Variants in TLE4 observed in about 807,000 individuals in gnomAD.
The protein encoded by TLE4 is TLE family member 4, transcriptional corepressor, also known as transducin-like enhancer protein 4.
Under a neutral mutation model 92.8 loss-of-function variants are expected in TLE4, and 8 were observed. The ratio of observed to expected loss-of-function variants is 0.09; its 90% CI spans 0.05 to 0.16. The LOEUF (loss-of-function observed/expected upper bound fraction) is 0.16, where lower values mean the gene tolerates loss of function less well. Among genes scored for constraint, TLE4 ranks in the 10% least tolerant of loss-of-function variants. The pLI, the probability that TLE4 is intolerant of heterozygous loss-of-function variation, is 1.00. For synonymous variants in TLE4, 371 were observed against 374.1 expected (o/e 0.99, Z 0.10); for missense variants, 675 against 997.6 (o/e 0.68, Z 4.36).
chr9:79,638,560 T>C (rs890772018), intron 6 of TLE4, among the ~76,000 whole-genome samples: 3 of 152,076 alleles, frequency 2.0e-5, no homozygotes, highest in Non-Finnish European at 4.4e-5. Flanking sequence ...TTTTTTTTCT[T>C]GGTAGATTCA....
At chr9:79,642,318 T>C (rs1018981151) in intron 6 of TLE4, among the ~76,000 whole-genome samples, 7 of 152,168 alleles carry the variant, frequency 4.6e-5, no homozygotes, top group Admixed American at 2.0e-4. Flanking sequence ...TTCATAGGTA[T>C]AATCATAGGG....
At chr9:79,615,642 TAAAAA>T (rs11294346) in intron 5 of TLE4, among the ~76,000 whole-genome samples, 1 of 152,040 alleles carries the variant, frequency 6.6e-6, no homozygotes, top group Non-Finnish European at 1.5e-5. Context: ...TTTTTAAACT[TAAAAA>T]AACTATATAG....
rs190533436 is a variant in TLE4 at position 79,708,386 on chromosome 9, C to T, written c.1069+136C>T. 4,871 of 1,210,844 alleles carry T rather than the reference C, an allele frequency of 4.0e-3. 19 individuals carry two copies. Among genetic ancestry groups the T allele is most frequent in the South Asian group, 8.4e-3 (553 of 65,834 alleles). 75.0% of individuals were successfully genotyped at this position (1,210,844 alleles called of 1,614,324 possible). A position where few individuals can be genotyped will look rare whatever the true frequency, so the allele number is the denominator to read the frequency against. On this transcript the variant is annotated intron_variant, in intron 12 of 19. Coordinates refer to ENST00000376552, the MANE Select transcript of TLE4 (RefSeq NM_007005.6). Reference sequence around the variant, plus strand: ...TTAGACAAAGTTACTTAACCTGAACCGAGCACCTGGGACCAACCTTGTCTG... The same window carrying T: ...TTAGACAAAGTTACTTAACCTGAACTGAGCACCTGGGACCAACCTTGTCTG...
At chr9:79,695,581 A>G (rs1030029644) in intron 8 of TLE4, among the ~76,000 whole-genome samples, 4 of 152,070 alleles carry the variant, frequency 2.6e-5, no homozygotes, top group Admixed American at 2.0e-4. Context: ...GAAGTACTGG[A>G]TTTTCGTGGT....
At chr9:79,701,874 A>G (rs567938606) in intron 8 of TLE4, among the ~76,000 whole-genome samples, 3 of 152,362 alleles carry the variant, frequency 2.0e-5, no homozygotes, top group South Asian at 4.1e-4. Flanking sequence ...GGGAACCCAC[A>G]GCCTAAAGTG....
intron 5 of TLE4, among the ~76,000 whole-genome samples, chr9:79,621,748 G>A (rs1193297530): frequency 6.6e-6 from 1 of 152,110 alleles, no homozygotes; most frequent in Non-Finnish European, 1.5e-5. Context: ...TGATTGGTTG[G>A]TTGGTTGATT....
chr9:79,628,368 T>A (rs1030946087), intron 6 of TLE4, among the ~76,000 whole-genome samples: 7 of 152,176 alleles, frequency 4.6e-5, no homozygotes, highest in African/African-American at 7.2e-5. Context: ...TTATTTCGTT[T>A]ACTTTCATTA....
At chr9:79,721,918 A>G (rs748557805) in intron 17 of TLE4, 30 bp downstream of exon 17, 1 of 1,601,418 alleles carries the variant, frequency 6.2e-7, no homozygotes, top group South Asian at 1.1e-5. Context: ...CATTTTAAAG[A>G]TACGGTTTTA....
At chr9:79,609,585 T>C (rs758609503) in intron 4 of TLE4, among the ~76,000 whole-genome samples, 3 of 152,094 alleles carry the variant, frequency 2.0e-5, no homozygotes, top group Non-Finnish European at 4.4e-5. Context: ...ATTGTTAATG[T>C]GTTTGACAAA....
intron 6 of TLE4, among the ~76,000 whole-genome samples, chr9:79,637,273 G>A (rs988902811): frequency 1.3e-5 from 2 of 152,138 alleles, no homozygotes; most frequent in African/African-American, 4.8e-5. Flanking sequence ...GCATTACTTT[G>A]TTTAATCTTC....
intron 5 of TLE4, among the ~76,000 whole-genome samples, chr9:79,618,187 T>A (rs551071231): frequency 6.6e-6 from 1 of 152,368 alleles, no homozygotes; most frequent in African/African-American, 2.4e-5. Flanking sequence ...AACTGCCACT[T>A]GCTTCCAGAC....
intron 6 of TLE4, chr9:79,649,924 T>G (rs1248113535): frequency 5.2e-6 from 6 of 1,151,640 alleles, no homozygotes; most frequent in African/African-American, 3.5e-5. Flanking sequence ...TTGTTTTTTG[T>G]TTTTTTTTTG....
chr9:79,669,082 T>C (rs1238636354), intron 8 of TLE4, among the ~76,000 whole-genome samples: 3 of 152,164 alleles, frequency 2.0e-5, no homozygotes, highest in Non-Finnish European at 4.4e-5. Flanking sequence ...CAAACCAAAA[T>C]ATAAAGTCTC....
At chr9:79,687,029 T>C (rs1316015344) in intron 8 of TLE4, among the ~76,000 whole-genome samples, 1 of 152,238 alleles carries the variant, frequency 6.6e-6, no homozygotes, top group Non-Finnish European at 1.5e-5. Context: ...CTGGGGATAC[T>C]GTGGTGAAAA....
intron 4 of TLE4, among the ~76,000 whole-genome samples, chr9:79,598,523 A>G (rs2044677208): frequency 6.6e-6 from 1 of 152,196 alleles, no homozygotes; most frequent in South Asian, 2.1e-4. Flanking sequence ...TTACTCAGGG[A>G]AATAGTCCTC....
chr9:79,632,878 G>A (rs150453389), intron 6 of TLE4, among the ~76,000 whole-genome samples: 3 of 152,268 alleles, frequency 2.0e-5, no homozygotes, highest in African/African-American at 4.8e-5. Context: ...TGTCTGTGTC[G>A]TGTACACACA....
chr9:79,593,291 G>T (rs2043140215), intron 4 of TLE4, among the ~76,000 whole-genome samples: 1 of 152,102 alleles, frequency 6.6e-6, no homozygotes, highest in Non-Finnish European at 1.5e-5. Context: ...TTTATGGGAT[G>T]TTTTTTTCAA....
chr9:79,615,895 A>G (rs947563633), intron 5 of TLE4, among the ~76,000 whole-genome samples: 3 of 152,190 alleles, frequency 2.0e-5, no homozygotes, highest in Admixed American at 6.6e-5. Context: ...TTTGACAAAG[A>G]TATTGCCAAC....
chr9:79,726,827 C>T lies in TLE4; in HGVS notation c.*1683C>T, dbSNP rs1261062691. ...TGCCACTCCTATATATTAAAAATGC[C>T]TAGTTTTTTCAAGGGAGATTGTTGT... is the stretch of plus-strand genomic sequence containing the variant. On this transcript the variant is annotated 3_prime_UTR_variant, in exon 20 of 20. Coordinates refer to ENST00000376552, the MANE Select transcript of TLE4 (RefSeq NM_007005.6). 1.3e-5 allele frequency: 2 copies of T among 152,318 alleles called. No individual in the cohort carries two copies. Among genetic ancestry groups the T allele is most frequent in the Non-Finnish European group, 2.9e-5 (2 of 67,996 alleles). 9.4% of individuals were successfully genotyped at this position (152,318 alleles called of 1,614,324 possible).
Sources: gnomAD v4.1 joint callset for allele counts (sites outside exome capture counted in the v4.1 genomes callset) on GRCh38, gnomAD v4.1.1 for gene constraint, MANE v1.5 for transcripts, NCBI Gene and HGNC (gene_info 2026-07-23, HGNC 2026-07-21) for gene names.